Variants in KLF13 observed in about 807,000 individuals in gnomAD.
KLF13 encodes the protein KLF transcription factor 13.
Under a neutral mutation model 16.7 loss-of-function variants are expected in KLF13, and 8 were observed. The observed-to-expected ratio is 0.48, with a 90% CI of 0.28 to 0.87. The LOEUF (loss-of-function observed/expected upper bound fraction) is 0.87. Among genes scored for constraint, KLF13 ranks in the 40% least tolerant of loss-of-function variants. The pLI, the probability that KLF13 is intolerant of heterozygous loss-of-function variation, is 0.10. For synonymous variants in KLF13, 245 were observed against 208.4 expected (o/e 1.18, Z -1.51); for missense variants, 447 against 452.2 (o/e 0.99, Z 0.10).
At chr15:31,434,417 G>T (rs953901862) in intron 1 of KLF13, among the ~76,000 whole-genome samples, 1 of 152,124 alleles carries the variant, frequency 6.6e-6, no homozygotes, top group Non-Finnish European at 1.5e-5. Context: ...AAGAAGGGCC[G>T]GGAACCAACA....
At chr15:31,371,920 C>A in intron 1 of KLF13, 90 bp from the exon 2 acceptor site, 1 of 1,391,882 alleles carries the variant, frequency 7.2e-7, no homozygotes, top group Non-Finnish European at 9.7e-7. Flanking sequence ...GTTGAGAGAC[C>A]AGGGTGTTGG....
At chr15:31,356,213 G>C (rs1271356467) in intron 1 of KLF13, among the ~76,000 whole-genome samples, 3 of 152,166 alleles carry the variant, frequency 2.0e-5, no homozygotes, top group East Asian at 1.9e-4. Context: ...GGTGTCTGCT[G>C]TTCCCTCTTT....
chr15:31,334,180 C>G (rs1013901852), intron 1 of KLF13, among the ~76,000 whole-genome samples: 3 of 152,262 alleles, frequency 2.0e-5, no homozygotes, highest in African/African-American at 7.2e-5. Flanking sequence ...GACAAGACAC[C>G]CTGATTTTCT....
intron 1 of KLF13, among the ~76,000 whole-genome samples, chr15:31,412,105 G>C (rs1283044811): frequency 6.6e-6 from 1 of 152,196 alleles, no homozygotes; most frequent in Non-Finnish European, 1.5e-5. Context: ...AGGTCATGAA[G>C]CTTTCTCCTC....
At chr15:31,397,246 CGGGCAGGGCA>C (rs370894520) in intron 2 of KLF13, among the ~76,000 whole-genome samples, 10 of 2,916 alleles carry the variant, frequency 3.4e-3, no homozygotes, top group African/African-American at 0.01. Context: ...TGGGGTGGGG[CGGGCAGGGCA>C]GGGCAGGGCA....
chr15:31,340,005 T>A, intron 1 of KLF13: 1 of 702,400 alleles, frequency 1.4e-6, no homozygotes, highest in East Asian at 2.7e-5. Flanking sequence ...TCCAGGGAAG[T>A]GGCTTTGTTT....
At chr15:31,379,175 G>C (rs570610596), downstream of KLF13, among the ~76,000 whole-genome samples, 3 of 152,322 alleles carry the variant, frequency 2.0e-5, no homozygotes, top group South Asian at 6.2e-4. Flanking sequence ...CTGTATCATA[G>C]ACTGGGGGGA....
chr15:31,339,479 G>T (rs932982672), intron 1 of KLF13, among the ~76,000 whole-genome samples: 4 of 152,178 alleles, frequency 2.6e-5, no homozygotes, highest in African/African-American at 9.7e-5. Context: ...CACTGGCCAC[G>T]ATCCAGGGAC....
chr15:31,419,079 A>G (rs1202618939), intron 1 of KLF13, among the ~76,000 whole-genome samples: 1 of 152,176 alleles, frequency 6.6e-6, no homozygotes, highest in Non-Finnish European at 1.5e-5. Context: ...TCATGGTGGA[A>G]GGCAAATGAG....
In KLF13 at chr15:31,376,479, A is replaced by G. The variant is rs929757066; in HGVS notation, c.*4180A>G. The G allele has an allele frequency of 6.6e-6, 1 of 152,452 alleles. No homozygotes were observed. Among genetic ancestry groups the G allele is most frequent in the Non-Finnish European group, 1.5e-5 (1 of 68,036 alleles). 9.4% of individuals were successfully genotyped at this position (152,452 alleles called of 1,614,324 possible). A position where few individuals can be genotyped will look rare whatever the true frequency, so the allele number is the denominator to read the frequency against. On this transcript the variant is annotated 3_prime_UTR_variant, in exon 2 of 2. Coordinates refer to ENST00000307145, the MANE Select transcript of KLF13 (RefSeq NM_015995.4). ...CTTTTGCTGACTGTTTCCATATACAATTCTGGTCACCATATTTTCCAAAGC... is the reference window on the plus strand; with the variant it reads ...CTTTTGCTGACTGTTTCCATATACAGTTCTGGTCACCATATTTTCCAAAGC...
downstream of KLF13, among the ~76,000 whole-genome samples, chr15:31,408,404 G>T (rs752785384): frequency 1.3e-5 from 2 of 152,162 alleles, no homozygotes; most frequent in Non-Finnish European, 2.9e-5. Context: ...AACTTAAAAT[G>T]TGGGGATGGA....
intron 1 of KLF13, among the ~76,000 whole-genome samples, chr15:31,365,912 G>T (rs1008630479): frequency 6.6e-6 from 1 of 152,152 alleles, no homozygotes; most frequent in Non-Finnish European, 1.5e-5. Flanking sequence ...CTCTCTGAGA[G>T]AACACGTTGT....
At chr15:31,398,190 T>C (rs2039982178) in intron 2 of KLF13, among the ~76,000 whole-genome samples, 1 of 152,120 alleles carries the variant, frequency 6.6e-6, no homozygotes, top group Non-Finnish European at 1.5e-5. Flanking sequence ...GGGGCCTTAA[T>C]TGGTGGTGTT....
downstream of KLF13, among the ~76,000 whole-genome samples, chr15:31,406,129 G>A (rs977666724): frequency 1.3e-5 from 2 of 152,206 alleles, no homozygotes; most frequent in African/African-American, 4.8e-5. Flanking sequence ...AAGACAAAAA[G>A]CTGAAGAGTC....
chr15:31,355,233 G>A (rs995615271), intron 1 of KLF13, among the ~76,000 whole-genome samples: 2 of 152,144 alleles, frequency 1.3e-5, no homozygotes, highest in South Asian at 4.1e-4. Context: ...TCCTGTGGAC[G>A]GTCCCTCACC....
chr15:31,338,074 T>G (rs1217633652), intron 1 of KLF13, among the ~76,000 whole-genome samples: 1 of 152,214 alleles, frequency 6.6e-6, no homozygotes, highest in Non-Finnish European at 1.5e-5. Flanking sequence ...TGGCTACTTA[T>G]AGCTTGTGAT....
downstream of KLF13, among the ~76,000 whole-genome samples, chr15:31,408,026 T>C (rs574504550): frequency 3.3e-5 from 5 of 152,244 alleles, no homozygotes; most frequent in South Asian, 1.0e-3. Flanking sequence ...TATTAACCAA[T>C]GCAATCATGT....
chr15:31,350,337 C>G lies in KLF13; in HGVS notation c.578-21673C>G, dbSNP rs375973101. 1.1e-4 allele frequency among the ~76,000 whole-genome samples: 16 copies of G among 152,332 alleles called. 1 individual carries two copies. Among genetic ancestry groups the G allele is most frequent in the Admixed American group, 5.9e-4 (9 of 15,304 alleles). ...ATGCCGACCACATTGGTCCGTTGTT[C>G]GGAACCTCGCCTTAGCTCTCTTCTG... On this transcript the variant is annotated intron_variant, in intron 1 of 1. Transcript: ENST00000307145.
downstream of KLF13, among the ~76,000 whole-genome samples, chr15:31,382,118 G>A (rs2039734543): frequency 6.6e-6 from 1 of 152,174 alleles, no homozygotes; most frequent in Non-Finnish European, 1.5e-5. Context: ...AGGCCCCCAG[G>A]CCAGGCCTCC....
Sources: gnomAD v4.1 joint callset for allele counts (sites outside exome capture counted in the v4.1 genomes callset) on GRCh38, gnomAD v4.1.1 for gene constraint, MANE v1.5 for transcripts, NCBI Gene and HGNC (gene_info 2026-07-23, HGNC 2026-07-21) for gene names.